The following XRCC6 variants were observed in gnomAD, a reference collection of about 807,000 sequenced individuals.
XRCC6 encodes DNA repair protein Ku70.
A neutral mutation model predicts 65.7 loss-of-function variants in XRCC6; 5 were observed. The observed-to-expected ratio is 0.08, with a 90% CI of 0.04 to 0.16. The LOEUF (loss-of-function observed/expected upper bound fraction) is 0.16. XRCC6 is among the 10% of genes least tolerant of loss of function. The pLI, the probability that XRCC6 is intolerant of heterozygous loss-of-function variation, is 1.00. For synonymous variants in XRCC6, 270 were observed against 270.6 expected (o/e 1.00, Z 0.02); for missense variants, 447 against 738.1 (o/e 0.61, Z 4.57).
At chr22:41,622,431 C>T (rs1400000916) in intron 2 of XRCC6, among the ~76,000 whole-genome samples, 1 of 152,054 alleles carries the variant, frequency 6.6e-6, no homozygotes, top group Non-Finnish European at 1.5e-5. Context: ...TGTAAAAATG[C>T]CCCCACCCTG....
chr22:41,634,308 C>T (rs769231733), intron 3 of XRCC6, among the ~76,000 whole-genome samples: 3 of 151,804 alleles, frequency 2.0e-5, no homozygotes, highest in Non-Finnish European at 4.4e-5. Context: ...GCCTCAGCAC[C>T]CCTGAGTAGC....
At chr22:41,644,238 A>G (rs2067908278) in intron 6 of XRCC6, among the ~76,000 whole-genome samples, 1 of 152,104 alleles carries the variant, frequency 6.6e-6, no homozygotes, top group African/African-American at 2.4e-5. Flanking sequence ...AGGTTTTCCC[A>G]CATTTCTTTC....
In XRCC6 at chr22:41,636,696, A is replaced by C. The variant is rs752708099; in HGVS notation, c.515A>C (p.Glu172Ala). 8.7e-6 allele frequency: 14 copies of C among 1,614,062 alleles called. No individual in the cohort carries two copies. The highest frequency in any genetic ancestry group is 1.2e-5 in the Non-Finnish European group (14 of 1,180,042). ...AAGAGGATCATGCTGTTCACCAATG[A>C]AGACAACCCCCATGGCAATGACAGT... Reference protein sequence around the residue: ...SHKRIMLFTNEDNPHGNDSAK... With the variant: ...SHKRIMLFTNADNPHGNDSAK... The change falls in exon 5 of 13, where the codon GAA (glutamate) becomes GCA (alanine). Residue 172 changes from glutamate to alanine, a missense_variant. Transcript: ENST00000360079.
At chr22:41,628,329 C>T (rs1359439646) in intron 3 of XRCC6, 99 bp downstream of exon 3, 15 of 949,946 alleles carry the variant, frequency 1.6e-5, no homozygotes, top group Admixed American at 1.0e-4. Flanking sequence ...GAGGCCGAGA[C>T]GGGCAGATCA....
chr22:41,636,430 A>C (rs1217435381), intron 4 of XRCC6, 86 bp from the exon 5 acceptor site: 5 of 1,543,950 alleles, frequency 3.2e-6, no homozygotes, highest in East Asian at 2.3e-5. Flanking sequence ...GGGGTGAAAA[A>C]GGGTCCTTCT....
At chr22:41,631,529 G>C (rs375663918) in intron 3 of XRCC6, among the ~76,000 whole-genome samples, 4 of 146,846 alleles carry the variant, frequency 2.7e-5, no homozygotes, top group Admixed American at 2.7e-4. Context: ...CATCCCAGAC[G>C]GGGCGGCGGG....
In XRCC6 at chr22:41,622,040, C is replaced by A. The variant is rs376715887; in HGVS notation, c.36C>A (p.Gly12=). ...GGGAGTCATATTACAAAACCGAGGG[C>A]GATGAAGAAGCAGAGGAAGAACAAG... ...SGWESYYKTE[G]DEEAEEEQEE... is the part of the protein sequence containing the mutation. Residue 12 remains glycine (G), a synonymous_variant, in exon 2 of 13, where the codon GGC becomes GGA. Coordinates refer to ENST00000360079, the MANE Select transcript of XRCC6 (RefSeq NM_001469.5). 1.4e-5 allele frequency: 23 copies of A among 1,614,030 alleles called. No homozygotes were observed. The highest frequency in any genetic ancestry group is 1.6e-4 in the Middle Eastern group (1 of 6,084).
chr22:41,658,553 A>T (rs1361375819), intron 11 of XRCC6, among the ~76,000 whole-genome samples: 2 of 152,168 alleles, frequency 1.3e-5, no homozygotes, highest in Non-Finnish European at 2.9e-5. Context: ...AGAGGAGGAG[A>T]GTGTCAGGCT....
At chr22:41,646,473 G>T (rs899617050) in intron 6 of XRCC6, among the ~76,000 whole-genome samples, 9 of 152,098 alleles carry the variant, frequency 5.9e-5, no homozygotes, top group African/African-American at 2.2e-4. Context: ...AATTAGAAAT[G>T]CTCTACAGTC....
chr22:41,651,034 A>C, intron 8 of XRCC6, 143 bp downstream of exon 8: 1 of 1,147,248 alleles, frequency 8.7e-7, no homozygotes, highest in Non-Finnish European at 1.2e-6. Context: ...TGCCTGGTGC[A>C]GTGGCTCACA....
chr22:41,631,739 A>C (rs2067755211), intron 3 of XRCC6, among the ~76,000 whole-genome samples: 1 of 151,950 alleles, frequency 6.6e-6, no homozygotes. Context: ...GGCCGGGCAG[A>C]GGCTGCACTC....
At chr22:41,660,244 A>C (rs1285865264) in intron 11 of XRCC6, among the ~76,000 whole-genome samples, 1 of 152,250 alleles carries the variant, frequency 6.6e-6, no homozygotes, top group African/African-American at 2.4e-5. Flanking sequence ...TATAGTTGTA[A>C]GCTAACAAAA....
chr22:41,630,193 A>T (rs1225658619), intron 3 of XRCC6, among the ~76,000 whole-genome samples: 1 of 151,312 alleles, frequency 6.6e-6, no homozygotes, highest in East Asian at 1.9e-4. Context: ...CATATTGGCC[A>T]GGATGGTCTT....
intron 1 of XRCC6, chr22:41,621,632 A>C: frequency 3.1e-5 from 6 of 192,432 alleles, no homozygotes; most frequent in Admixed American, 1.1e-4. Flanking sequence ...TGATTGAGGA[A>C]TTTGGGGAGG....
At chr22:41,658,144 G>T in intron 10 of XRCC6, 108 bp from the exon 11 acceptor site, 1 of 1,104,762 alleles carries the variant, frequency 9.1e-7, no homozygotes, top group Non-Finnish European at 1.3e-6. Flanking sequence ...TACTTGGGGT[G>T]TTTTTCTCAG....
intron 3 of XRCC6, among the ~76,000 whole-genome samples, chr22:41,628,964 T>TAAAA (rs2067708963): frequency 9.8e-5 from 1 of 10,238 alleles, no homozygotes. Context: ...AGACTCTGTC[T>TAAAA]CAAAAAAAAA....
intron 9 of XRCC6, 106 bp from the exon 10 acceptor site, chr22:41,656,797 C>T (rs2068048998): frequency 6.6e-7 from 1 of 1,521,140 alleles, no homozygotes; most frequent in Non-Finnish European, 8.9e-7. Flanking sequence ...GCCTACGGGG[C>T]CCCAGCCCCA....
chr22:41,655,364 A>G (rs1018398357), intron 9 of XRCC6, among the ~76,000 whole-genome samples: 5 of 151,476 alleles, frequency 3.3e-5, no homozygotes, highest in Non-Finnish European at 7.4e-5. Flanking sequence ...GCTAAGATAC[A>G]TGGTAAGAAG....
intron 5 of XRCC6, 101 bp downstream of exon 5, chr22:41,636,871 C>A: frequency 6.9e-7 from 1 of 1,441,790 alleles, no homozygotes; most frequent in South Asian, 1.5e-5. Context: ...CCTCAGCCTC[C>A]CAAGTAGCTG....
Sources: allele counts gnomAD v4.1 joint callset (sites outside exome capture counted in the v4.1 genomes callset), GRCh38; gene constraint gnomAD v4.1.1; transcripts MANE v1.5; gene names NCBI Gene and HGNC (gene_info 2026-07-23, HGNC 2026-07-21).